The following HDAC4 variants were observed in gnomAD, a reference collection of about 807,000 sequenced individuals.
The protein encoded by HDAC4 is histone deacetylase A.
In HDAC4, 16 loss-of-function variants were observed where a neutral mutation model predicts 135.1. The ratio of observed to expected loss-of-function variants is 0.12; its 90% CI spans 0.08 to 0.18. The LOEUF is 0.18. Among genes scored for constraint, HDAC4 ranks in the 10% least tolerant of loss-of-function variants. The pLI is 1.00. For synonymous variants in HDAC4, 685 were observed against 653.4 expected (o/e 1.05, Z -0.74); for missense variants, 1,143 against 1,511.8 (o/e 0.76, Z 4.05).
intron 2 of HDAC4, among the ~76,000 whole-genome samples, chr2:239,276,292 G>C (rs187730274): frequency 7.2e-5 from 11 of 152,354 alleles, no homozygotes; most frequent in Non-Finnish European, 1.6e-4. Flanking sequence ...AGTGTTGAGG[G>C]GAGAAGGCGT....
At chr2:239,265,677 G>C (rs2049680007) in intron 2 of HDAC4, among the ~76,000 whole-genome samples, 2 of 152,198 alleles carry the variant, frequency 1.3e-5, no homozygotes, top group South Asian at 4.1e-4. Context: ...CACCAACACA[G>C]GCACCCCACA....
At chr2:239,250,832 G>C (rs2048744491) in intron 2 of HDAC4, among the ~76,000 whole-genome samples, 2 of 152,220 alleles carry the variant, frequency 1.3e-5, no homozygotes, top group Non-Finnish European at 2.9e-5. Flanking sequence ...TGGCTCATGG[G>C]CCTCCCCAGC....
chr2:239,377,271 C>A (rs989861114), intron 1 of HDAC4, among the ~76,000 whole-genome samples: 2 of 152,212 alleles, frequency 1.3e-5, no homozygotes, highest in Non-Finnish European at 2.9e-5. Context: ...GTCCACTAAC[C>A]GAAGCCACTG....
At chr2:239,151,337 C>G (rs1559518005) in intron 7 of HDAC4, among the ~76,000 whole-genome samples, 1 of 152,230 alleles carries the variant, frequency 6.6e-6, no homozygotes, top group Non-Finnish European at 1.5e-5. Context: ...ATCTAGTCTG[C>G]CCAGGATATG....
At chr2:239,172,236 C>G (rs1400086494) in intron 5 of HDAC4, among the ~76,000 whole-genome samples, 1 of 147,750 alleles carries the variant, frequency 6.8e-6, no homozygotes, top group African/African-American at 2.5e-5. Flanking sequence ...TTGTTGAAAT[C>G]CTACTGATAA....
At chr2:239,372,667 C>A (rs997019115) in intron 1 of HDAC4, among the ~76,000 whole-genome samples, 1 of 152,226 alleles carries the variant, frequency 6.6e-6, no homozygotes, top group African/African-American at 2.4e-5. Context: ...TTATACACAG[C>A]GACAGAACAG....
intron 23 of HDAC4, 108 bp from the exon 24 acceptor site, chr2:239,066,963 G>T: frequency 7.4e-7 from 1 of 1,348,076 alleles, no homozygotes; most frequent in African/African-American, 1.4e-5. Context: ...CTGGGGTGTC[G>T]AGACACATGG....
intron 3 of HDAC4, among the ~76,000 whole-genome samples, chr2:239,208,077 C>G (rs1312217998): frequency 6.6e-6 from 1 of 151,858 alleles, no homozygotes; most frequent in Admixed American, 6.5e-5. Flanking sequence ...AATCCCAGCA[C>G]TTTGGGAGGC....
At chr2:239,111,157 G>A (rs1029966025) in intron 14 of HDAC4, among the ~76,000 whole-genome samples, 5 of 152,248 alleles carry the variant, frequency 3.3e-5, no homozygotes, top group Admixed American at 2.0e-4. Flanking sequence ...GGACGTGGGC[G>A]AAGTGTGAGG....
chr2:239,320,806 T>C (rs2053283314), intron 2 of HDAC4, among the ~76,000 whole-genome samples: 1 of 152,168 alleles, frequency 6.6e-6, no homozygotes, highest in Admixed American at 6.5e-5. Flanking sequence ...CCTCTAGAGT[T>C]TTCCAACCAT....
chr2:239,099,500 C>T (rs2037418098), intron 16 of HDAC4, among the ~76,000 whole-genome samples: 1 of 152,242 alleles, frequency 6.6e-6, no homozygotes, highest in Non-Finnish European at 1.5e-5. Context: ...CGGCCAGAAG[C>T]TGAGGTGTTA....
intron 12 of HDAC4, among the ~76,000 whole-genome samples, chr2:239,121,806 C>T (rs1452891863): frequency 6.6e-6 from 1 of 152,212 alleles, no homozygotes; most frequent in African/African-American, 2.4e-5. Context: ...CTGTGGGTCA[C>T]CTCCCTGGGC....
At chr2:239,119,351 G>A (rs1367807705) in intron 12 of HDAC4, among the ~76,000 whole-genome samples, 1 of 152,180 alleles carries the variant, frequency 6.6e-6, no homozygotes, top group Non-Finnish European at 1.5e-5. Flanking sequence ...CAGCCAGGAC[G>A]GGCCTTCAGG....
At chr2:239,333,171 G>A (rs1324532374) in intron 2 of HDAC4, among the ~76,000 whole-genome samples, 1 of 152,080 alleles carries the variant, frequency 6.6e-6, no homozygotes, top group Non-Finnish European at 1.5e-5. Flanking sequence ...AATCAAACAG[G>A]TGTCAGCAAA....
chr2:239,281,160 TAC>T (rs1263310715), intron 2 of HDAC4, among the ~76,000 whole-genome samples: 1 of 113,870 alleles, frequency 8.8e-6, no homozygotes, highest in African/African-American at 3.5e-5. Context: ...CACACCACTC[TAC>T]ACACAATGTA....
intron 7 of HDAC4, among the ~76,000 whole-genome samples, chr2:239,147,631 T>C (rs758921318): frequency 7.2e-5 from 11 of 152,212 alleles, no homozygotes; most frequent in East Asian, 1.9e-4. Flanking sequence ...TGCAGGTACA[T>C]TGACAGAACC....
At chr2:239,073,753 G>A (rs1369790999) in intron 22 of HDAC4, among the ~76,000 whole-genome samples, 1 of 152,236 alleles carries the variant, frequency 6.6e-6, no homozygotes, top group Non-Finnish European at 1.5e-5. Context: ...TGGAGTTGGT[G>A]TCGGCACTCC....
rs747167717 is a variant in HDAC4 at position 239,263,472 on chromosome 2, G to A, written c.23-26808C>T. ...GGCCTCACTGCACAGGTGTGGAGGC[G>A]TCCACGTCTACACCACCAGGAACCC... On this transcript the variant is annotated intron_variant, in intron 2 of 26. Coordinates refer to ENST00000543185, the MANE Select transcript of HDAC4 (RefSeq NM_001378414.1). 9.3e-4 allele frequency among the ~76,000 whole-genome samples: 142 copies of A among 152,180 alleles called. 1 individual carries two copies. Among genetic ancestry groups the A allele is most frequent in the Non-Finnish European group, 3.2e-4 (22 of 67,998 alleles).
At chr2:239,348,719 C>T (rs1367780447) in intron 2 of HDAC4, among the ~76,000 whole-genome samples, 3 of 152,216 alleles carry the variant, frequency 2.0e-5, no homozygotes, top group Non-Finnish European at 4.4e-5. Flanking sequence ...GAGGGCTGGC[C>T]GGGCAAGGGG....
Sources: allele counts gnomAD v4.1 joint callset (sites outside exome capture counted in the v4.1 genomes callset), GRCh38; gene constraint gnomAD v4.1.1; transcripts MANE v1.5; gene names NCBI Gene and HGNC (gene_info 2026-07-23, HGNC 2026-07-21).